Variants in FTO observed in about 807,000 individuals in gnomAD.
The protein encoded by FTO is FTO alpha-ketoglutarate dependent dioxygenase, also known as alpha-ketoglutarate-dependent dioxygenase FTO.
Under a neutral mutation model 63.9 loss-of-function variants are expected in FTO, and 47 were observed. That is an observed-to-expected ratio of 0.74 (90% CI 0.58 to 0.94). The LOEUF is 0.94. Among genes scored for constraint, FTO ranks in the 40% least tolerant of loss-of-function variants. The pLI is 0.00. For synonymous variants in FTO, 207 were observed against 224.4 expected (o/e 0.92, Z 0.69); for missense variants, 562 against 618.1 (o/e 0.91, Z 0.96).
intron 1 of FTO, among the ~76,000 whole-genome samples, chr16:53,732,031 T>C (rs940715357): frequency 7.0e-6 from 1 of 143,650 alleles, no homozygotes; most frequent in Non-Finnish European, 1.5e-5. Context: ...CCAGCCCTCA[T>C]TGTGGCCTTA....
At chr16:53,907,336 A>C (rs936675287) in intron 7 of FTO, among the ~76,000 whole-genome samples, 19 of 152,164 alleles carry the variant, frequency 1.2e-4, no homozygotes, top group Admixed American at 5.9e-4. Context: ...AAAGTGTTGG[A>C]TATCTCATGT....
At chr16:53,720,411 T>G (rs2076009043) in intron 1 of FTO, among the ~76,000 whole-genome samples, 1 of 151,662 alleles carries the variant, frequency 6.6e-6, no homozygotes, top group South Asian at 2.1e-4. Context: ...CATCCACCAC[T>G]TCTCCCCCTC....
At chr16:53,709,349 A>G (rs923014399) in intron 1 of FTO, among the ~76,000 whole-genome samples, 1 of 152,250 alleles carries the variant, frequency 6.6e-6, no homozygotes, top group African/African-American at 2.4e-5. Context: ...TCTAAGGCAT[A>G]TAATAGAACA....
At chr16:54,054,118 AT>A (rs1192765972) in intron 8 of FTO, among the ~76,000 whole-genome samples, 1 of 152,068 alleles carries the variant, frequency 6.6e-6, no homozygotes, top group African/African-American at 2.4e-5. Context: ...GCACTGTGTA[AT>A]GAGTTTTCTG....
chr16:53,720,554 G>T (rs755061573), intron 1 of FTO, among the ~76,000 whole-genome samples: 2 of 149,742 alleles, frequency 1.3e-5, no homozygotes, highest in Non-Finnish European at 3.0e-5. Context: ...AGGATAATTA[G>T]CATTTTAATC....
At chr16:54,095,642 G>T (rs1310809181) in intron 8 of FTO, among the ~76,000 whole-genome samples, 1 of 152,156 alleles carries the variant, frequency 6.6e-6, no homozygotes, top group African/African-American at 2.4e-5. Flanking sequence ...ACACTTCCCA[G>T]TGACTAAGTT....
rs150118834 is a variant in FTO at position 53,895,918 on chromosome 16, C to T, written c.1239+6967C>T. ...GTGTGGAGAGAAAAACTGGAGTAAA[C>T]AGCCAGGGTTTGTGTTTTAACCTTG... is the stretch of plus-strand genomic sequence containing the variant. On this transcript the variant is annotated intron_variant, in intron 7 of 8. Transcript: ENST00000471389. Among the ~76,000 whole-genome samples the T allele has an allele frequency of 1.1e-4, 17 of 152,288 alleles. No individual in the cohort carries two copies. In the East Asian group the frequency reaches 3.3e-3, roughly 29 times the overall value.
intron 1 of FTO, among the ~76,000 whole-genome samples, chr16:53,704,927 C>T (rs1346823185): frequency 6.6e-6 from 1 of 152,162 alleles, no homozygotes; most frequent in Non-Finnish European, 1.5e-5. Context: ...AGATGAAGAA[C>T]TGAGGCTCAG....
intron 2 of FTO, among the ~76,000 whole-genome samples, chr16:53,812,557 C>T (rs1470615642): frequency 2.0e-5 from 3 of 152,162 alleles, no homozygotes; most frequent in Non-Finnish European, 4.4e-5. Flanking sequence ...GTGCTGGCTT[C>T]CCTTATCCTC....
chr16:53,703,988 G>A, upstream of FTO: 1 of 662,930 alleles, frequency 1.5e-6, no homozygotes, highest in Non-Finnish European at 2.7e-6. Flanking sequence ...TGTCGGACCT[G>A]GGAAATTCTC....
At chr16:54,015,196 A>G (rs1248880359) in intron 8 of FTO, among the ~76,000 whole-genome samples, 1 of 152,106 alleles carries the variant, frequency 6.6e-6, no homozygotes, top group East Asian at 1.9e-4. Flanking sequence ...TGTCCTGGGC[A>G]TTTGAACTGC....
At chr16:53,716,207 G>T in intron 1 of FTO, among the ~76,000 whole-genome samples, 1 of 152,144 alleles carries the variant, frequency 6.6e-6, no homozygotes, top group Non-Finnish European at 1.5e-5. Context: ...CCTCACTGGA[G>T]ACATGTTTAC....
intron 7 of FTO, among the ~76,000 whole-genome samples, chr16:53,892,469 G>T (rs775377765): frequency 1.3e-5 from 2 of 152,118 alleles, no homozygotes. Flanking sequence ...TGCACATTTG[G>T]ATTCTATAGC....
chr16:53,906,489 AG>A (rs1361646623), intron 7 of FTO, among the ~76,000 whole-genome samples: 1 of 152,126 alleles, frequency 6.6e-6, no homozygotes, highest in Non-Finnish European at 1.5e-5. Flanking sequence ...GGGACTCGGG[AG>A]GGAAACAGCT....
At chr16:53,957,346 A>T (rs1299312760) in intron 8 of FTO, among the ~76,000 whole-genome samples, 1 of 152,208 alleles carries the variant, frequency 6.6e-6, no homozygotes. Context: ...AATATAATTC[A>T]TTTTTATTCT....
rs1394873997 is a variant in FTO, at chr16:54,113,277, G to A, written c.*1362G>A. 9.0e-6 allele frequency: 1 copy of A among 110,716 alleles called. No homozygotes were observed. The highest frequency in any genetic ancestry group is 2.0e-5 in the Non-Finnish European group (1 of 50,120). 6.9% of individuals were successfully genotyped at this position (110,716 alleles called of 1,614,324 possible). On this transcript the variant is annotated 3_prime_UTR_variant, in exon 9 of 9. Transcript: ENST00000471389. ...GCCCATTGGTGTCCCAAGAAATCGT[G>A]AGAATAGTTAGCCCCCCGTCTCCCC...
chr16:53,839,865 C>A (rs968293529), intron 3 of FTO, among the ~76,000 whole-genome samples: 1 of 150,974 alleles, frequency 6.6e-6, no homozygotes, highest in Non-Finnish European at 1.5e-5. Context: ...AGTGCAGTGG[C>A]GCGATCTCGG....
intron 3 of FTO, among the ~76,000 whole-genome samples, chr16:53,828,107 T>C (rs556187467): frequency 6.6e-6 from 1 of 152,334 alleles, no homozygotes; most frequent in East Asian, 1.9e-4. Flanking sequence ...TAATTAAGAC[T>C]GACAAAGTAT....
At chr16:54,109,586 CCTA>C (rs1317409267) in intron 8 of FTO, among the ~76,000 whole-genome samples, 1 of 152,182 alleles carries the variant, frequency 6.6e-6, no homozygotes, top group East Asian at 1.9e-4. Context: ...CCTGCCTTGG[CCTA>C]CCAGGGTGCA....
Sources: allele counts gnomAD v4.1 joint callset (sites outside exome capture counted in the v4.1 genomes callset), GRCh38; gene constraint gnomAD v4.1.1; transcripts MANE v1.5; gene names NCBI Gene and HGNC (gene_info 2026-07-23, HGNC 2026-07-21).